The following DMPK variants were observed in gnomAD, a reference collection of about 807,000 sequenced individuals.
DMPK encodes the protein DM1 protein kinase, also known as myotonin-protein kinase.
Under a neutral mutation model 70.3 loss-of-function variants are expected in DMPK, and 32 were observed. The ratio of observed to expected loss-of-function variants is 0.46; its 90% CI spans 0.34 to 0.61. The LOEUF is 0.61. Ranked by LOEUF, DMPK falls within the 20% of genes least tolerant of loss-of-function variation. DMPK has a pLI of 0.01. For missense variants in DMPK, 899 were observed against 886.0 expected (o/e 1.01, Z -0.19); for synonymous variants, 469 against 390.9 (o/e 1.20, Z -2.36).
rs755116581 is a variant in DMPK, at chr19:45,770,599, C to T, written c.1779G>A (p.Leu593=). 13 of 1,552,894 alleles carry T rather than the reference C, an allele frequency of 8.4e-6. 1 individual carries two copies. The South Asian group carries it at 1.4e-4, about 17-fold the overall frequency. ...CGGCACGAGACAGAACAACGGCGAA[C>T]AGGAGCAGGGAAAGCGCCTCCGATA... The part of the protein sequence containing the change: ...PGLSEALSLL[L]FAVVLSRAAA... The change falls in exon 15 of 15, where the codon CTG becomes CTA. Residue 593 remains leucine (L), a synonymous_variant. Coordinates refer to ENST00000291270, the MANE Select transcript of DMPK (RefSeq NM_004409.5).
intron 1 of DMPK, among the ~76,000 whole-genome samples, chr19:45,781,469 G>A (rs1174914297): frequency 6.6e-6 from 1 of 152,182 alleles, no homozygotes; most frequent in Non-Finnish European, 1.5e-5. Context: ...AAAGGACGCA[G>A]GGACCCGGGG....
At chr19:45,778,350 G>A in intron 5 of DMPK, 130 bp from the exon 6 acceptor site, 2 of 1,359,884 alleles carry the variant, frequency 1.5e-6, no homozygotes, top group Non-Finnish European at 2.0e-6. Flanking sequence ...GGCTTCTACA[G>A]TTCTGACCCC....
At chr19:45,778,051 G>A in intron 6 of DMPK, 76 bp downstream of exon 6, 1 of 1,365,120 alleles carries the variant, frequency 7.3e-7, no homozygotes, top group Non-Finnish European at 1.0e-6. Flanking sequence ...TCCAAATCCA[G>A]TCCCGCTCCC....
At position 45,780,069 on chromosome 19, in the gene DMPK, A is replaced by G. The variant is rs186304356; in HGVS notation, c.161-200T>C. ...AAAAATGCCCTCCCATAGAGGTGAG[A>G]TGCCTGAGAAGCCCTTTGCGGGACA... is the stretch of plus-strand genomic sequence containing the variant. On this transcript the variant is annotated intron_variant, in intron 1 of 14. Coordinates refer to ENST00000291270, the MANE Select transcript of DMPK (RefSeq NM_004409.5). 3 of 1,517,102 alleles carry G rather than the reference A, an allele frequency of 2.0e-6. No homozygotes were observed. The East Asian group carries it at 7.4e-5, about 37-fold the overall frequency. 94.0% of individuals were successfully genotyped at this position (1,517,102 alleles called of 1,614,324 possible).
chr19:45,774,931 G>A lies in DMPK; in HGVS notation c.1232+18C>T, dbSNP rs112768469. On this transcript the variant is annotated intron_variant, in intron 9 of 14. Coordinates refer to ENST00000291270, the MANE Select transcript of DMPK (RefSeq NM_004409.5). ...AGCAGCCTCGTGGCCCCTGGAGGCCGTCCAGGGCAGTGCTTACCTGAGGGC... is the reference window on the plus strand; with the variant it reads ...AGCAGCCTCGTGGCCCCTGGAGGCCATCCAGGGCAGTGCTTACCTGAGGGC... 1.2e-3 allele frequency: 1,916 copies of A among 1,604,874 alleles called. 20 individuals carry two copies. In the African/African-American group the frequency reaches 0.021, roughly 18 times the overall value.
At chr19:45,779,395 G>A in intron 3 of DMPK, 36 bp from the exon 4 acceptor site, 1 of 1,613,934 alleles carries the variant, frequency 6.2e-7, no homozygotes, top group Non-Finnish European at 8.5e-7. Flanking sequence ...GCCGGAGACG[G>A]GGCGCGGATC....
intron 5 of DMPK, 56 bp from the exon 6 acceptor site, chr19:45,778,276 C>T (rs1380050813): frequency 7.2e-6 from 11 of 1,525,936 alleles, no homozygotes; most frequent in East Asian, 2.4e-5. Context: ...TGTGGTCCCA[C>T]CAGGCTCCGC....
At chr19:45,781,594 T>G (rs1228829183) in intron 1 of DMPK, among the ~76,000 whole-genome samples, 4 of 152,064 alleles carry the variant, frequency 2.6e-5, no homozygotes, top group Admixed American at 2.6e-4. Context: ...GAACCCAAAG[T>G]TGTCCCTCCT....
chr19:45,771,454 C>T, intron 12 of DMPK, 58 bp from the exon 13 acceptor site: 2 of 1,609,912 alleles, frequency 1.2e-6, no homozygotes, highest in Non-Finnish European at 1.7e-6. Context: ...GGCGGTGGCG[C>T]GGCGTGCCCC....
chr19:45,779,716 G>GC, intron 2 of DMPK, 62 bp downstream of exon 2: 1 of 1,454,158 alleles, frequency 6.9e-7, no homozygotes, highest in Non-Finnish European at 9.2e-7. Flanking sequence ...CTAAGGCCCC[G>GC]CCCCAACCCC....
intron 10 of DMPK, 122 bp from the exon 11 acceptor site, chr19:45,772,050 G>A (rs1969492254): frequency 4.6e-6 from 6 of 1,299,216 alleles, no homozygotes; most frequent in East Asian, 2.6e-5. Flanking sequence ...AACATTTCTG[G>A]AATCCCCATA....
intron 4 of DMPK, 113 bp downstream of exon 4, chr19:45,779,151 A>G (rs1026035455): frequency 2.5e-5 from 27 of 1,081,790 alleles, no homozygotes; most frequent in Non-Finnish European, 3.8e-5. Flanking sequence ...AGACTTTCCC[A>G]CAGACGTTTC....
At chr19:45,778,378 C>CCG (rs1000812041) in intron 5 of DMPK, 115 bp downstream of exon 5, 68 of 1,428,672 alleles carry the variant, frequency 4.8e-5, no homozygotes, top group Non-Finnish European at 1.4e-5. Context: ...AGGCACCCCC[C>CCG]GGTGGGCCCC....
Position 45,775,027 on chromosome 19 carries a change from AG to A in DMPK, c.1153del (p.Leu385CysfsTer10). 1 of 1,613,746 alleles carries A rather than the reference AG, an allele frequency of 6.2e-7. No homozygotes were observed. The highest frequency in any genetic ancestry group is 8.5e-7 in the Non-Finnish European group (1 of 1,179,904). ...TAMVSGGGET[L>X]SDIREGAPLG... ...CGGCGCACCTTCCCGAATGTCCGAC[AG>A]TGTCTCCTGCGCAAGACACACAGAT... On this transcript the variant is annotated frameshift_variant, in exon 9 of 15. Transcript: ENST00000291270. LOFTEE classifies it high-confidence loss of function.
rs980875025 is a variant in DMPK at position 45,775,028 on chromosome 19, G to A, written c.1153C>T (p.Leu385=). The A allele has an allele frequency of 6.2e-7, 1 of 1,613,558 alleles. No homozygotes were observed. Among genetic ancestry groups the A allele is most frequent in the Non-Finnish European group, 8.5e-7 (1 of 1,179,878 alleles). The change falls in exon 9 of 15, where the codon CTG becomes TTG. Residue 385 remains leucine, a synonymous_variant. Coordinates refer to ENST00000291270, the MANE Select transcript of DMPK (RefSeq NM_004409.5). Reference sequence around the variant, plus strand: ...GGCGCACCTTCCCGAATGTCCGACAGTGTCTCCTGCGCAAGACACACAGAT... The same window carrying A: ...GGCGCACCTTCCCGAATGTCCGACAATGTCTCCTGCGCAAGACACACAGAT... ...TAMVSGGGET[L]SDIREGAPLG...
At chr19:45,782,139 G>A in intron 1 of DMPK, 54 bp downstream of exon 1, 1 of 884,230 alleles carries the variant, frequency 1.1e-6, no homozygotes, top group Admixed American at 3.7e-5. Context: ...GCCCAGACCT[G>A]TCTCCTGCCC....
intron 11 of DMPK, 30 bp downstream of exon 11, chr19:45,771,729 ACCGGCCCGCATC>A (rs756803484): frequency 4.5e-4 from 721 of 1,605,132 alleles, no homozygotes; most frequent in Non-Finnish European, 4.7e-4. Flanking sequence ...AAGGGTTGCC[ACCGGCCCGCATC>A]CCGGCCCCGG....
intron 4 of DMPK, 71 bp downstream of exon 4, chr19:45,779,192 CT>C: frequency 6.7e-7 from 1 of 1,497,622 alleles, no homozygotes; most frequent in South Asian, 1.1e-5. Context: ...AGAGCTTCCT[CT>C]CCCCACCTCC....
chr19:45,770,495 G>C lies in DMPK; in HGVS notation c.1883C>G (p.Ala628Gly). ...CGAAGACAGTTCTAGGGTTCAGGGA[G>C]CGCGGGCGGCTCCTGGGCGGCGCCA... is the stretch of plus-strand genomic sequence containing the variant. ...AVWRRPGAAR[A>G]P Residue 628 changes from alanine (A) to glycine (G), a missense_variant, in exon 15 of 15, where the codon GCT becomes GGT. This residue lies in a region of DMPK where 555 missense variants were observed against 483.8 expected (regional missense o/e 1.15). Coordinates refer to ENST00000291270, the MANE Select transcript of DMPK (RefSeq NM_004409.5). 9 of 1,550,388 alleles carry C rather than the reference G, an allele frequency of 5.8e-6. No homozygotes were observed. The highest frequency in any genetic ancestry group is 7.8e-6 in the Non-Finnish European group (9 of 1,146,804).
Sources: gnomAD v4.1 joint callset for allele counts (sites outside exome capture counted in the v4.1 genomes callset) on GRCh38, gnomAD v4.1.1 for gene constraint, gnomAD v4.1.1 regional missense constraint, MANE v1.5 for transcripts, NCBI Gene and HGNC (gene_info 2026-07-23, HGNC 2026-07-21) for gene names.